PLCL2: variants seen among roughly 807,000 people sequenced by gnomAD.
PLCL2 encodes the protein inactive phospholipase C-like protein 2.
Under a neutral mutation model 79.6 loss-of-function variants are expected in PLCL2, and 4 were observed. The observed-to-expected ratio is 0.05, with a 90% confidence interval of 0.02 to 0.11. PLCL2 has a LOEUF of 0.11. PLCL2 is among the 10% of genes least tolerant of loss of function. The pLI, the probability that PLCL2 is intolerant of heterozygous loss-of-function variation, is 1.00. For missense variants in PLCL2, 895 were observed against 1,291.0 expected, an observed-to-expected ratio of 0.69 and a Z score of 4.70; for synonymous variants, 484 against 457.7, an observed-to-expected ratio of 1.06 and a Z score of -0.73.
chr3:16,893,949 T>C (rs77835800), intron 1 of PLCL2, among the ~76,000 whole-genome samples: 4,870 of 152,252 alleles, frequency 0.032, 120 homozygotes, highest in South Asian at 0.056. Context: ...GTATGCTCTT[T>C]AAATTGAAAA....
chr3:16,913,141 A>G (rs1696920257), intron 1 of PLCL2, among the ~76,000 whole-genome samples: 1 of 152,230 alleles, frequency 6.6e-6, no homozygotes, highest in South Asian at 2.1e-4. Flanking sequence ...CCCATGTATC[A>G]TCAGTACTAC....
chr3:17,034,911 C>CTT (rs2064627341), intron 3 of PLCL2, among the ~76,000 whole-genome samples: 4 of 151,668 alleles, frequency 2.6e-5, no homozygotes, highest in Middle Eastern at 6.8e-3. Context: ...GACTCACTCT[C>CTT]CCAGCACCTC....
chr3:16,970,054 A>AT (rs1255921478), intron 1 of PLCL2, among the ~76,000 whole-genome samples: 8 of 130,418 alleles, frequency 6.1e-5, no homozygotes, highest in African/African-American at 2.1e-4. Flanking sequence ...ATATATATAT[A>AT]TATATTTTAT....
intron 3 of PLCL2, among the ~76,000 whole-genome samples, chr3:17,038,160 A>G (rs1335705358): frequency 6.6e-6 from 1 of 152,208 alleles, no homozygotes; most frequent in Admixed American, 6.5e-5. Context: ...AATTTATGAA[A>G]TAGATTTCTA....
intron 1 of PLCL2, among the ~76,000 whole-genome samples, chr3:16,927,597 C>A (rs1697286070): frequency 6.6e-6 from 1 of 152,192 alleles, no homozygotes; most frequent in African/African-American, 2.4e-5. Context: ...CAGGGTTTCT[C>A]AGCCTGGGCA....
intron 3 of PLCL2, among the ~76,000 whole-genome samples, chr3:17,034,914 AG>A (rs2064627580): frequency 7.2e-6 from 1 of 138,014 alleles, no homozygotes; most frequent in Non-Finnish European, 1.6e-5. Context: ...TCACTCTCCC[AG>A]CACCTCTCTC....
chr3:17,053,665 C>T (rs555674870), intron 4 of PLCL2, among the ~76,000 whole-genome samples: 39 of 152,274 alleles, frequency 2.6e-4, no homozygotes, highest in African/African-American at 8.4e-4. Context: ...AAAATCAGAA[C>T]AAGTTACTTA....
chr3:17,042,416 T>A (rs2064734362), intron 3 of PLCL2, among the ~76,000 whole-genome samples: 1 of 152,244 alleles, frequency 6.6e-6, no homozygotes, highest in Non-Finnish European at 1.5e-5. Context: ...ATTTTTTAAT[T>A]CTCATTGTAT....
At chr3:16,919,865 A>G (rs1195295557) in intron 1 of PLCL2, among the ~76,000 whole-genome samples, 1 of 152,180 alleles carries the variant, frequency 6.6e-6, no homozygotes. Flanking sequence ...TGGACTTCTG[A>G]AATGGTATTT....
intron 1 of PLCL2, among the ~76,000 whole-genome samples, chr3:16,977,559 C>T (rs1054368711): frequency 4.6e-5 from 7 of 152,186 alleles, no homozygotes; most frequent in Non-Finnish European, 8.8e-5. Context: ...CTTTCAGAAA[C>T]CTCTTTTACT....
intron 1 of PLCL2, among the ~76,000 whole-genome samples, chr3:16,970,098 A>C (rs1222957790): frequency 6.6e-6 from 1 of 150,930 alleles, no homozygotes; most frequent in Non-Finnish European, 1.5e-5. Flanking sequence ...TTTAGGGTAC[A>C]TGTGCACAAT....
At chr3:17,037,412 G>A (rs1444480306) in intron 3 of PLCL2, among the ~76,000 whole-genome samples, 1 of 152,154 alleles carries the variant, frequency 6.6e-6, no homozygotes, top group Non-Finnish European at 1.5e-5. Context: ...TTTGAGTTTG[G>A]AAAGATACTT....
intron 5 of PLCL2, among the ~76,000 whole-genome samples, chr3:17,082,826 G>C (rs1212069473): frequency 6.6e-6 from 1 of 151,986 alleles, no homozygotes; most frequent in Non-Finnish European, 1.5e-5. Flanking sequence ...GAACAATATA[G>C]ATTGCTTGAT....
chr3:17,071,842 T>C (rs890387880), intron 5 of PLCL2, among the ~76,000 whole-genome samples: 4 of 152,088 alleles, frequency 2.6e-5, no homozygotes, highest in African/African-American at 9.7e-5. Context: ...TTTTTTCTTT[T>C]TTGAGATGGA....
chr3:17,057,168 T>G (rs1481215122), intron 4 of PLCL2, among the ~76,000 whole-genome samples: 1 of 152,232 alleles, frequency 6.6e-6, no homozygotes, highest in Non-Finnish European at 1.5e-5. Context: ...CTAGTCATGT[T>G]CCTCGGGCAA....
chr3:16,953,300 AAT>A (rs2063670076), intron 1 of PLCL2, among the ~76,000 whole-genome samples: 1 of 152,168 alleles, frequency 6.6e-6, no homozygotes, highest in Non-Finnish European at 1.5e-5. Context: ...CAAAGGGCTG[AAT>A]ATGTGTGATT....
At chr3:17,007,018 T>C (rs2064267791) in intron 1 of PLCL2, among the ~76,000 whole-genome samples, 1 of 152,252 alleles carries the variant, frequency 6.6e-6, no homozygotes, top group African/African-American at 2.4e-5. Flanking sequence ...TATTTCTTAA[T>C]GGATCAGTGG....
intron 1 of PLCL2, among the ~76,000 whole-genome samples, chr3:16,890,335 A>G (rs146822015): frequency 6.6e-6 from 1 of 152,338 alleles, no homozygotes; most frequent in African/African-American, 2.4e-5. Context: ...GATATTGGCC[A>G]CAAGTTATTT....
chr3:16,961,204 A>G (rs2063751423), intron 1 of PLCL2, among the ~76,000 whole-genome samples: 1 of 152,250 alleles, frequency 6.6e-6, no homozygotes, highest in South Asian at 2.1e-4. Flanking sequence ...AGTGTATACC[A>G]CTAGCAAATG....
Sources: gnomAD v4.1 joint callset for allele counts (sites outside exome capture counted in the v4.1 genomes callset) on GRCh38, gnomAD v4.1.1 for gene constraint, MANE v1.5 for transcripts, NCBI Gene and HGNC (gene_info 2026-07-23, HGNC 2026-07-21) for gene names.